Variants in HEATR5A observed in about 807,000 individuals in gnomAD.
HEATR5A encodes HEAT repeat-containing protein 5A.
HEATR5A carries 178 observed loss-of-function variants against 218.8 expected under a neutral mutation model. That is an observed-to-expected ratio of 0.81 (90% CI 0.72 to 0.92). The LOEUF (loss-of-function observed/expected upper bound fraction) is 0.92, where lower values mean the gene tolerates loss of function less well. Ranked by LOEUF, HEATR5A falls within the 40% of genes least tolerant of loss-of-function variation. The probability of loss-of-function intolerance (pLI) is 0.00; values close to 1 mark genes in which losing one functional copy is unlikely to be tolerated. For synonymous variants in HEATR5A, 864 were observed against 871.6 expected (o/e 0.99, Z 0.15); for missense variants, 2,420 against 2,418.9 (o/e 1.00, Z -0.01).
chr14:31,347,386 A>G (rs978643237), intron 19 of HEATR5A, among the ~76,000 whole-genome samples: 45 of 152,024 alleles, frequency 3.0e-4, no homozygotes, highest in African/African-American at 1.0e-3. Flanking sequence ...TAATTTTTGT[A>G]TCTTTTGTAG....
intron 33 of HEATR5A, among the ~76,000 whole-genome samples, chr14:31,300,485 C>A (rs1899334831): frequency 6.6e-6 from 1 of 151,986 alleles, no homozygotes; most frequent in Admixed American, 6.6e-5. Context: ...GTGGTGGATA[C>A]AGAGATGCAC....
intron 14 of HEATR5A, 141 bp from the exon 15 acceptor site, chr14:31,359,198 G>C: frequency 2.6e-6 from 2 of 780,558 alleles, no homozygotes; most frequent in South Asian, 3.5e-5. Flanking sequence ...TCTCATCCTT[G>C]AAAACTGCCC....
intron 7 of HEATR5A, among the ~76,000 whole-genome samples, chr14:31,387,883 A>G (rs1476281150): frequency 6.6e-6 from 1 of 152,166 alleles, no homozygotes; most frequent in Non-Finnish European, 1.5e-5. Flanking sequence ...CTTTCAATCA[A>G]GACTTCATTT....
At chr14:31,348,762 C>T (rs1343155563) in intron 18 of HEATR5A, among the ~76,000 whole-genome samples, 4 of 152,052 alleles carry the variant, frequency 2.6e-5, no homozygotes, top group Non-Finnish European at 5.9e-5. Context: ...GCTCAAATAG[C>T]TCTCACAAAA....
chr14:31,300,048 A>G (rs1040092284), intron 33 of HEATR5A, among the ~76,000 whole-genome samples: 5 of 152,082 alleles, frequency 3.3e-5, no homozygotes, highest in Non-Finnish European at 5.9e-5. Flanking sequence ...CAACAACCAC[A>G]ACAAAACATT....
chr14:31,395,207 C>A lies in HEATR5A; in HGVS notation c.589G>T (p.Ala197Ser). Residue 197 changes from alanine to serine, a missense_variant, in exon 5 of 36, where the codon GCT becomes TCT. Physicochemically the swap from Ala to Ser is moderately conservative, Grantham distance 99 (BLOSUM62 1). Coordinates refer to ENST00000543095, the MANE Select transcript of HEATR5A (RefSeq NM_015473.4). ...TTATTAGATCATTTTACCTTTGCAG[C>A]AGCACAACGAACAGCCATGGATCTA... ...TDRSMAVRCA[A>S]AKCLLELQNE... 1 of 1,508,332 alleles carries A rather than the reference C, an allele frequency of 6.6e-7. No homozygotes were observed. Among genetic ancestry groups the A allele is most frequent in the South Asian group, 1.3e-5 (1 of 79,118 alleles). 93.4% of individuals were successfully genotyped at this position (1,508,332 alleles called of 1,614,324 possible).
At chr14:31,328,993 T>C (rs1900369059) in intron 22 of HEATR5A, among the ~76,000 whole-genome samples, 1 of 151,700 alleles carries the variant, frequency 6.6e-6, no homozygotes, top group Admixed American at 6.6e-5. Context: ...ATGTCTTACA[T>C]GGCAGCAAGC....
chr14:31,305,622 G>A (rs1399581260), intron 31 of HEATR5A, among the ~76,000 whole-genome samples: 2 of 152,174 alleles, frequency 1.3e-5, no homozygotes, highest in South Asian at 2.1e-4. Context: ...AAGAAGTTAT[G>A]AAGGTAAAAG....
intron 1 of HEATR5A, among the ~76,000 whole-genome samples, chr14:31,414,005 C>T (rs2031368052): frequency 6.6e-6 from 1 of 152,198 alleles, no homozygotes; most frequent in Admixed American, 6.5e-5. Flanking sequence ...CCAGAGACAT[C>T]AGCTTTCAGA....
intron 21 of HEATR5A, among the ~76,000 whole-genome samples, chr14:31,339,449 C>CAAAAA (rs55998911): frequency 1.9e-4 from 13 of 67,458 alleles, no homozygotes; most frequent in South Asian, 7.4e-4. Flanking sequence ...AACTGTGTCT[C>CAAAAA]AAAAAAAAAA....
chr14:31,365,235 C>T (rs979335746), intron 13 of HEATR5A, among the ~76,000 whole-genome samples: 1 of 152,154 alleles, frequency 6.6e-6, no homozygotes, highest in Non-Finnish European at 1.5e-5. Context: ...CTTAGCAATA[C>T]AGAAGTTTAA....
chr14:31,326,674 C>T (rs1410606228), intron 22 of HEATR5A, among the ~76,000 whole-genome samples: 1 of 152,116 alleles, frequency 6.6e-6, no homozygotes, highest in African/African-American at 2.4e-5. Context: ...CAGAATTTCA[C>T]TCTTGTTGCC....
intron 25 of HEATR5A, chr14:31,320,299 A>G: frequency 2.7e-6 from 2 of 731,866 alleles, no homozygotes; most frequent in South Asian, 2.7e-5. Flanking sequence ...CAAAGCCCAG[A>G]ATGGCATAGA....
intron 28 of HEATR5A, among the ~76,000 whole-genome samples, chr14:31,311,998 TG>T (rs1446268335): frequency 1.3e-5 from 2 of 152,108 alleles, no homozygotes; most frequent in Non-Finnish European, 2.9e-5. Flanking sequence ...TGAGGTCCAG[TG>T]GTGGAGCATG....
intron 1 of HEATR5A, among the ~76,000 whole-genome samples, chr14:31,410,545 CT>C (rs771661571): frequency 1.3e-5 from 2 of 152,184 alleles, no homozygotes; most frequent in Non-Finnish European, 2.9e-5. Flanking sequence ...AAGGCTGCCC[CT>C]GGTATAAAGA....
At chr14:31,347,977 T>C in intron 18 of HEATR5A, 70 bp from the exon 19 acceptor site, 2 of 954,472 alleles carry the variant, frequency 2.1e-6, no homozygotes, top group South Asian at 6.9e-5. Flanking sequence ...CTAATGCATG[T>C]ACACTGTCAC....
chr14:31,386,327 T>C (rs2030219788), intron 9 of HEATR5A, 93 bp downstream of exon 9: 2 of 859,276 alleles, frequency 2.3e-6, no homozygotes, highest in African/African-American at 1.8e-5. Flanking sequence ...AAATCTATAA[T>C]GGAATCTATA....
At chr14:31,339,326 T>G (rs993369372) in intron 21 of HEATR5A, among the ~76,000 whole-genome samples, 37 of 151,162 alleles carry the variant, frequency 2.4e-4, no homozygotes, top group Middle Eastern at 3.2e-3. Context: ...GGCACACACC[T>G]GTAGTCCCAG....
At chr14:31,336,819 T>A (rs1900687469) in intron 22 of HEATR5A, among the ~76,000 whole-genome samples, 1 of 152,204 alleles carries the variant, frequency 6.6e-6, no homozygotes, top group African/African-American at 2.4e-5. Context: ...CAGTCATGCA[T>A]GGCGTAATAG....
Sources: gnomAD v4.1 joint callset for allele counts (sites outside exome capture counted in the v4.1 genomes callset) on GRCh38, gnomAD v4.1.1 for gene constraint, MANE v1.5 for transcripts, NCBI Gene and HGNC (gene_info 2026-07-23, HGNC 2026-07-21) for gene names.